Variants in PNKD observed in about 807,000 individuals in gnomAD.
PNKD encodes probable thioesterase PNKD.
Under a neutral mutation model 45.3 loss-of-function variants are expected in PNKD, and 36 were observed. The observed-to-expected ratio is 0.80, with a 90% confidence interval of 0.61 to 1.05. The LOEUF is 1.05. PNKD is among the 50% of genes least tolerant of loss of function. PNKD has a pLI of 0.00. For missense variants in PNKD, 511 were observed against 506.6 expected (o/e 1.01, Z -0.08); for synonymous variants, 197 against 210.1 (o/e 0.94, Z 0.54).
intron 7 of PNKD, among the ~76,000 whole-genome samples, chr2:218,342,924 G>A (rs1451630745): frequency 1.3e-5 from 2 of 152,176 alleles, no homozygotes; most frequent in East Asian, 3.8e-4. Context: ...AGCTATGATT[G>A]TGCCACTGCA....
Position 218,299,130 on chromosome 2 carries a change from ATT to A in PNKD, c.236+27584_236+27585del, listed in dbSNP as rs755844339. Among the ~76,000 whole-genome samples the A allele has an allele frequency of 4.1e-3, 614 of 151,578 alleles. 3 individuals carry two copies. Among genetic ancestry groups the A allele is most frequent in the Middle Eastern group, 0.024 (7 of 292 alleles). ...TTATTTTATTTATTTATTTTATTTTATTTTATTTATTTATTTTGAGACTGAGT... is the reference window on the plus strand; with the variant it reads ...TTATTTTATTTATTTATTTTATTTTATTATTTATTTATTTTGAGACTGAGT... On this transcript the variant is annotated intron_variant, in intron 2 of 9. Transcript: ENST00000273077.
chr2:218,329,346 G>C lies in PNKD; in HGVS notation c.237-10437G>C, dbSNP rs1447460673. ...TCGAATCAGGAAGGCCTGGGATTGC[G>C]ATGAGCGAGGAGAGAAGGGGAAAGC... On this transcript the variant is annotated intron_variant, in intron 2 of 9. Coordinates refer to ENST00000273077, the MANE Select transcript of PNKD (RefSeq NM_015488.5). Among the ~76,000 whole-genome samples, 3 of 152,216 alleles carry C rather than the reference G, an allele frequency of 2.0e-5. No homozygotes were observed. The East Asian group carries it at 5.8e-4, about 29-fold the overall frequency.
intron 2 of PNKD, chr2:218,275,507 A>AG: frequency 6.2e-7 from 1 of 1,614,046 alleles, no homozygotes; most frequent in Non-Finnish European, 8.5e-7. Flanking sequence ...TGCAGCACAA[A>AG]GGTGAAGATG....
chr2:218,279,843 AAG>A (rs3055226), intron 2 of PNKD, among the ~76,000 whole-genome samples: 53,404 of 151,844 alleles, frequency 0.35, 9,814 homozygotes, highest in Middle Eastern at 0.5. Flanking sequence ...GAGGTGCAAA[AAG>A]AGAGGGAACC....
rs71064427 is a variant in PNKD, at chr2:218,284,168, G to GAA, written c.236+12632_236+12633dup. ...AACAGAGTGAGACTCCATCTCAAAA[G>GAA]AAAAAAAAAAAAAAGCACTGGCCGG... is the stretch of plus-strand genomic sequence containing the variant. On this transcript the variant is annotated intron_variant, in intron 2 of 9. Coordinates refer to ENST00000273077, the MANE Select transcript of PNKD (RefSeq NM_015488.5). 6 of 129,014 alleles carry GAA rather than the reference G, an allele frequency of 4.7e-5. No homozygotes were observed. In the South Asian group the frequency reaches 7.3e-4, roughly 16 times the overall value. 8.0% of individuals were successfully genotyped at this position (129,014 alleles called of 1,614,324 possible). A position where few individuals can be genotyped will look rare whatever the true frequency, so the allele number is the denominator to read the frequency against.
At chr2:218,283,328 G>A (rs1398053561) in intron 2 of PNKD, among the ~76,000 whole-genome samples, 1 of 152,226 alleles carries the variant, frequency 6.6e-6, no homozygotes. Context: ...AACCAGGACG[G>A]AGGCCTTCCA....
Position 218,321,966 on chromosome 2 carries a change from G to C in PNKD, c.237-17817G>C, listed in dbSNP as rs141088389. ...TTTTTTTTTTTTGAGCCGGAGTCTT[G>C]CTCTAGAGTGCAATGGCACGATCTC... On this transcript the variant is annotated intron_variant, in intron 2 of 9. Transcript: ENST00000273077. 3.3e-3 allele frequency among the ~76,000 whole-genome samples: 409 copies of C among 122,788 alleles called. 4 individuals are homozygous for C. The highest frequency in any genetic ancestry group is 0.015 in the Middle Eastern group (2 of 130). The allele number at this position is 122,788 out of a possible 152,430, so 80.6% of individuals were successfully genotyped here.
At chr2:218,272,451 T>C (rs1212239316) in intron 2 of PNKD, 1 of 902,340 alleles carries the variant, frequency 1.1e-6, no homozygotes, top group African/African-American at 1.6e-5. Flanking sequence ...AGAGGATGAA[T>C]AGACTATAAG....
intron 2 of PNKD, chr2:218,334,802 G>A (rs1006354347): frequency 5.7e-5 from 40 of 699,478 alleles, no homozygotes; most frequent in African/African-American, 4.2e-4. Context: ...AGTTAGCCAG[G>A]TTTCTATGGC....
chr2:218,341,900 G>T (rs1233529463), intron 6 of PNKD, 81 bp from the exon 7 acceptor site: 3 of 1,182,096 alleles, frequency 2.5e-6, no homozygotes, highest in Non-Finnish European at 3.8e-6. Flanking sequence ...GAATCACCCA[G>T]CCCCTTGGGC....
intron 2 of PNKD, among the ~76,000 whole-genome samples, chr2:218,285,426 T>C (rs1692425786): frequency 6.6e-6 from 1 of 152,160 alleles, no homozygotes; most frequent in South Asian, 2.1e-4. Context: ...TCATGGGTTT[T>C]AGCCTCAACA....
intron 2 of PNKD, chr2:218,278,370 G>A (rs1162562991): frequency 1.7e-5 from 14 of 830,948 alleles, no homozygotes; most frequent in Non-Finnish European, 2.6e-5. Flanking sequence ...GTATACACCT[G>A]AACAGTAGCT....
chr2:218,272,709 GCT>G, intron 2 of PNKD: 3 of 1,614,230 alleles, frequency 1.9e-6, no homozygotes, highest in Non-Finnish European at 2.5e-6. Flanking sequence ...GAGGTTCAGG[GCT>G]TCCTCCCAGA....
At chr2:218,308,476 C>T (rs777487213) in intron 2 of PNKD, among the ~76,000 whole-genome samples, 15 of 151,866 alleles carry the variant, frequency 9.9e-5, no homozygotes, top group Non-Finnish European at 1.6e-4. Context: ...CACGAGCCAC[C>T]GTGCCCAGCC....
At chr2:218,291,058 G>T (rs1205377604) in intron 2 of PNKD, among the ~76,000 whole-genome samples, 2 of 152,168 alleles carry the variant, frequency 1.3e-5, no homozygotes, top group African/African-American at 2.4e-5. Flanking sequence ...GGTGCTCTGA[G>T]GTAGACAGCG....
intron 2 of PNKD, among the ~76,000 whole-genome samples, chr2:218,300,287 C>T (rs952352107): frequency 6.6e-5 from 10 of 152,148 alleles, no homozygotes; most frequent in African/African-American, 2.4e-4. Context: ...CTAACACACC[C>T]ATCCTAGGCA....
chr2:218,342,033 C>G lies in PNKD; in HGVS notation c.670C>G (p.Leu224Val). The change falls in exon 7 of 10, where the codon CTG becomes GTG. Residue 224 changes from leucine to valine, a missense_variant. Transcript: ENST00000273077. ...CGTGGGACGGCTTCAGATCCGGGCC[C>G]TGGCTACACCTGGCCACACACAAGG... ...VSVGRLQIRALATPGHTQGHL... is the reference protein window; with the variant it reads ...VSVGRLQIRAVATPGHTQGHL... 6.2e-7 allele frequency: 1 copy of G among 1,613,240 alleles called. No individual in the cohort carries two copies.
At chr2:218,315,016 C>G (rs1025171159) in intron 2 of PNKD, among the ~76,000 whole-genome samples, 1 of 74,274 alleles carries the variant, frequency 1.3e-5, no homozygotes, top group African/African-American at 7.0e-5. Flanking sequence ...CTTTCTTTTT[C>G]TTTCTTTCTT....
chr2:218,331,524 G>A (rs1032301685), intron 2 of PNKD, among the ~76,000 whole-genome samples: 33 of 151,718 alleles, frequency 2.2e-4, no homozygotes, highest in Admixed American at 3.9e-4. Context: ...AGGCTGGAGC[G>A]CAGTGGCACA....
Sources: gnomAD v4.1 joint callset for allele counts (sites outside exome capture counted in the v4.1 genomes callset) on GRCh38, gnomAD v4.1.1 for gene constraint, MANE v1.5 for transcripts, NCBI Gene and HGNC (gene_info 2026-07-23, HGNC 2026-07-21) for gene names.